Variants in PDE12 observed in about 807,000 individuals in gnomAD.
The protein encoded by PDE12 is 2',5'-phosphodiesterase 12.
In PDE12, 26 loss-of-function variants were observed where a neutral mutation model predicts 45.4. The ratio of observed to expected loss-of-function variants is 0.57; its 90% confidence interval spans 0.42 to 0.79. The LOEUF is 0.79. Among genes scored for constraint, PDE12 ranks in the 30% least tolerant of loss-of-function variants. The pLI is 0.00. For synonymous variants in PDE12, 283 were observed against 323.9 expected (o/e 0.87, Z 1.36); for missense variants, 668 against 790.0 (o/e 0.85, Z 1.85).
At chr3:57,579,245 C>A in the PDE12 span, among the ~76,000 whole-genome samples, 4 of 58,192 alleles carry the variant, frequency 6.9e-5, no homozygotes. Flanking sequence ...CAAGAGCAAA[C>A]TACATCTCAA....
chr3:57,645,707 T>G, the PDE12 span: 1 of 1,613,594 alleles, frequency 6.2e-7, no homozygotes, highest in South Asian at 1.1e-5. Context: ...CTATCATGAA[T>G]AGTGAAATAA....
chr3:57,576,177 A>T, the PDE12 span, among the ~76,000 whole-genome samples: 7 of 152,344 alleles, frequency 4.6e-5, no homozygotes, highest in South Asian at 1.2e-3. Flanking sequence ...GTACTGATGC[A>T]TGATGCAATA....
the PDE12 span, among the ~76,000 whole-genome samples, chr3:57,584,884 G>A: frequency 1.3e-5 from 2 of 151,968 alleles, no homozygotes; most frequent in African/African-American, 2.4e-5. Context: ...GGAGCGGGGG[G>A]ACGTATTCTC....
the PDE12 span, among the ~76,000 whole-genome samples, chr3:57,615,112 C>T: frequency 6.6e-6 from 1 of 151,990 alleles, no homozygotes; most frequent in African/African-American, 2.4e-5. Context: ...GGGGTTTCAC[C>T]GTGTTGTCCA....
the PDE12 span, among the ~76,000 whole-genome samples, chr3:57,635,836 T>G: frequency 1.3e-5 from 2 of 152,300 alleles, no homozygotes; most frequent in East Asian, 3.9e-4. Context: ...ATACATGATT[T>G]TTTTTCCTGC....
the PDE12 span, among the ~76,000 whole-genome samples, chr3:57,652,856 A>G: frequency 6.6e-6 from 1 of 152,260 alleles, no homozygotes; most frequent in Non-Finnish European, 1.5e-5. Flanking sequence ...TATCAGGATC[A>G]TGAAAGTCAG....
chr3:57,653,482 A>C, the PDE12 span, among the ~76,000 whole-genome samples: 1 of 151,998 alleles, frequency 6.6e-6, no homozygotes, highest in Admixed American at 6.6e-5. Flanking sequence ...GCGGTGGCTC[A>C]CGCCTGTAAT....
chr3:57,600,376 T>C, the PDE12 span, among the ~76,000 whole-genome samples: 1 of 151,798 alleles, frequency 6.6e-6, no homozygotes, highest in African/African-American at 2.4e-5. Context: ...CTTTTCTTTC[T>C]TTCTCTTTCT....
At position 57,562,056 on chromosome 3, in the gene PDE12, T is replaced by A. The variant is rs188763550; in HGVS notation, c.*2052T>A. The A allele has an allele frequency of 8.2e-6, 8 of 981,276 alleles. No homozygotes were observed. The highest frequency in any genetic ancestry group is 9.7e-6 in the Non-Finnish European group (8 of 826,134). 60.8% of individuals were successfully genotyped at this position (981,276 alleles called of 1,614,324 possible). A position where few individuals can be genotyped will look rare whatever the true frequency, so the allele number is the denominator to read the frequency against. On this transcript the variant is annotated 3_prime_UTR_variant, in exon 3 of 3. Coordinates refer to ENST00000311180, the MANE Select transcript of PDE12 (RefSeq NM_177966.7). Reference sequence around the variant, plus strand: ...CCAAATCTTGATTCTCTTGTGAATTTTTTTTTCATTTTAAAAATATGTTTT... The same window carrying A: ...CCAAATCTTGATTCTCTTGTGAATTATTTTTTCATTTTAAAAATATGTTTT...
At chr3:57,587,964 T>A in the PDE12 span, among the ~76,000 whole-genome samples, 3 of 152,208 alleles carry the variant, frequency 2.0e-5, no homozygotes, top group African/African-American at 7.2e-5. Flanking sequence ...ACATATACAG[T>A]CATCACTTAA....
chr3:57,577,455 A>G, the PDE12 span: 2 of 1,252,192 alleles, frequency 1.6e-6, no homozygotes, highest in Non-Finnish European at 2.3e-6. Flanking sequence ...CAGTGTAGGC[A>G]GCAAAATGGT....
chr3:57,628,427 A>G, the PDE12 span: 1 of 1,502,534 alleles, frequency 6.7e-7, no homozygotes, highest in Non-Finnish European at 8.9e-7. Context: ...AAACCATTTT[A>G]AAGGTCTAAC....
chr3:57,589,133 G>A, the PDE12 span, among the ~76,000 whole-genome samples: 887 of 152,070 alleles, frequency 5.8e-3, 10 homozygotes, highest in African/African-American at 0.02. Context: ...CGGTTGTGAT[G>A]GCACATGCCT....
the PDE12 span, among the ~76,000 whole-genome samples, chr3:57,632,701 T>C: frequency 1.3e-5 from 2 of 152,342 alleles, no homozygotes; most frequent in Admixed American, 1.3e-4. Context: ...GGCCACATCA[T>C]GGTACTCCCT....
At chr3:57,577,232 C>G in the PDE12 span, 3 of 1,117,814 alleles carry the variant, frequency 2.7e-6, no homozygotes, top group Non-Finnish European at 2.7e-6. Context: ...GTAATCTAAT[C>G]ATAGTCAAAA....
chr3:57,610,815 G>T, the PDE12 span, among the ~76,000 whole-genome samples: 7 of 152,084 alleles, frequency 4.6e-5, no homozygotes, highest in African/African-American at 1.7e-4. Context: ...ACTGCCCAAG[G>T]TAATTTATAG....
chr3:57,620,978 A>G, the PDE12 span, among the ~76,000 whole-genome samples: 3 of 152,336 alleles, frequency 2.0e-5, no homozygotes, highest in South Asian at 6.2e-4. Flanking sequence ...AGCTGATTTT[A>G]GAATTTGTAT....
At chr3:57,649,644 AT>A in the PDE12 span, among the ~76,000 whole-genome samples, 12 of 126,972 alleles carry the variant, frequency 9.5e-5, no homozygotes, top group Admixed American at 3.9e-4. Context: ...AAAAAAAAAT[AT>A]ATATATATAT....
chr3:57,592,383 G>A, the PDE12 span, among the ~76,000 whole-genome samples: 1 of 152,058 alleles, frequency 6.6e-6, no homozygotes, highest in Non-Finnish European at 1.5e-5. Flanking sequence ...AGCTACTGGA[G>A]AGACTGAGGC....
Sources: allele counts gnomAD v4.1 joint callset (sites outside exome capture counted in the v4.1 genomes callset), GRCh38; gene constraint gnomAD v4.1.1; transcripts MANE v1.5; gene names NCBI Gene and HGNC (gene_info 2026-07-23, HGNC 2026-07-21).